GALNT13: variants seen among roughly 807,000 people sequenced by gnomAD.
GALNT13 encodes UDP-GalNAc:polypeptide N-acetylgalactosaminyltransferase 13.
GALNT13 carries 28 observed loss-of-function variants against 64.2 expected under a neutral mutation model. The ratio of observed to expected loss-of-function variants is 0.44; its 90% CI spans 0.32 to 0.60. GALNT13 has a LOEUF of 0.60. Among genes scored for constraint, GALNT13 ranks in the 20% least tolerant of loss-of-function variants. The pLI is 0.05. For synonymous variants in GALNT13, 214 were observed against 224.6 expected (o/e 0.95, Z 0.42); for missense variants, 577 against 669.8 (o/e 0.86, Z 1.53).
At chr2:153,659,113 G>T in the GALNT13 span, among the ~76,000 whole-genome samples, 1 of 152,028 alleles carries the variant, frequency 6.6e-6, no homozygotes, top group Non-Finnish European at 1.5e-5. Context: ...AAGATTTTAT[G>T]AACAATTTTG....
the GALNT13 span, among the ~76,000 whole-genome samples, chr2:153,396,273 A>AT: frequency 6.6e-6 from 1 of 152,082 alleles, no homozygotes; most frequent in Non-Finnish European, 1.5e-5. Context: ...AGAGACAAAA[A>AT]TTTTTGCCCA....
chr2:154,186,947 C>A (rs1346984142), intron 4 of GALNT13, among the ~76,000 whole-genome samples: 1 of 151,778 alleles, frequency 6.6e-6, no homozygotes, highest in Non-Finnish European at 1.5e-5. Flanking sequence ...GCCATTAAGT[C>A]TGAGTAGAAA....
chr2:153,579,849 C>T, the GALNT13 span, among the ~76,000 whole-genome samples: 1 of 152,036 alleles, frequency 6.6e-6, no homozygotes, highest in African/African-American at 2.4e-5. Flanking sequence ...TACCTGATGA[C>T]CCGAGGTGGA....
intron 11 of GALNT13, among the ~76,000 whole-genome samples, chr2:154,420,931 TG>T (rs903249550): frequency 3.3e-5 from 5 of 152,302 alleles, no homozygotes; most frequent in Middle Eastern, 3.4e-3. Flanking sequence ...TTCATCTTAC[TG>T]CATTTGCAAT....
chr2:153,368,122 C>A, the GALNT13 span, among the ~76,000 whole-genome samples: 1 of 152,084 alleles, frequency 6.6e-6, no homozygotes, highest in African/African-American at 2.4e-5. Flanking sequence ...TAATGGAGAT[C>A]TATGTGCCAT....
chr2:153,514,914 C>T, the GALNT13 span, among the ~76,000 whole-genome samples: 4 of 152,218 alleles, frequency 2.6e-5, no homozygotes, highest in African/African-American at 9.6e-5. Flanking sequence ...AGAATGTTCT[C>T]CCTCTGCCCA....
chr2:153,414,325 AG>A, the GALNT13 span, among the ~76,000 whole-genome samples: 1 of 151,992 alleles, frequency 6.6e-6, no homozygotes, highest in Admixed American at 6.6e-5. Context: ...CGGTGAGCCA[AG>A]ATCATGCCAT....
chr2:153,091,672 T>C, the GALNT13 span, among the ~76,000 whole-genome samples: 1 of 152,230 alleles, frequency 6.6e-6, no homozygotes, highest in African/African-American at 2.4e-5. Flanking sequence ...CAATCACCTC[T>C]GTATTATTAG....
the GALNT13 span, among the ~76,000 whole-genome samples, chr2:153,227,960 A>G: frequency 2.6e-5 from 4 of 152,228 alleles, no homozygotes; most frequent in African/African-American, 9.6e-5. Context: ...TAGAAATGAT[A>G]AGATATACAA....
At chr2:154,188,130 A>G (rs1330484330) in intron 4 of GALNT13, among the ~76,000 whole-genome samples, 3 of 152,006 alleles carry the variant, frequency 2.0e-5, no homozygotes, top group Non-Finnish European at 2.9e-5. Flanking sequence ...GACCTCCAAG[A>G]TTTCCATCTC....
the GALNT13 span, among the ~76,000 whole-genome samples, chr2:153,552,576 T>TTC: frequency 1.2e-5 from 1 of 82,094 alleles, no homozygotes; most frequent in African/African-American, 1.0e-4. Flanking sequence ...CTTCTTCTTC[T>TTC]TTTTTTTTTT....
chr2:153,079,215 A>T, the GALNT13 span, among the ~76,000 whole-genome samples: 1 of 152,162 alleles, frequency 6.6e-6, no homozygotes, highest in Non-Finnish European at 1.5e-5. Context: ...GGGGATAATA[A>T]TAGCCAGAGC....
the GALNT13 span, among the ~76,000 whole-genome samples, chr2:153,144,447 A>G: frequency 6.6e-6 from 1 of 151,930 alleles, no homozygotes; most frequent in Admixed American, 6.6e-5. Flanking sequence ...CTTGGGCTCT[A>G]AATAATGTGT....
At chr2:154,094,005 T>G (rs920206984) in intron 3 of GALNT13, among the ~76,000 whole-genome samples, 1 of 151,894 alleles carries the variant, frequency 6.6e-6, no homozygotes, top group Admixed American at 6.6e-5. Context: ...TTCCTATCTG[T>G]GGAGACTGTC....
the GALNT13 span, among the ~76,000 whole-genome samples, chr2:153,277,943 T>TTTTTTTTTTTTTTTTTTC: frequency 7.5e-6 from 1 of 133,458 alleles, no homozygotes; most frequent in South Asian, 2.4e-4. Flanking sequence ...TTTTTTTTTT[T>TTTTTTTTTTTTTTTTTTC]TGAGACAGAG....
At chr2:153,236,014 G>T in the GALNT13 span, among the ~76,000 whole-genome samples, 1 of 152,156 alleles carries the variant, frequency 6.6e-6, no homozygotes, top group African/African-American at 2.4e-5. Context: ...GACAGAAAGT[G>T]AAGTCATTTT....
At chr2:154,427,738 A>G (rs1432037062) in intron 11 of GALNT13, among the ~76,000 whole-genome samples, 1 of 152,190 alleles carries the variant, frequency 6.6e-6, no homozygotes, top group Non-Finnish European at 1.5e-5. Flanking sequence ...AAGAGTGTAC[A>G]GCTAGATGCT....
the GALNT13 span, among the ~76,000 whole-genome samples, chr2:153,828,729 C>A: frequency 1.3e-5 from 2 of 152,186 alleles, no homozygotes; most frequent in South Asian, 2.1e-4. Flanking sequence ...ATGCAAATTT[C>A]TGCAGCTGGG....
the GALNT13 span, among the ~76,000 whole-genome samples, chr2:153,283,875 G>A: frequency 3.9e-4 from 60 of 152,208 alleles, no homozygotes; most frequent in Non-Finnish European, 1.0e-4. Flanking sequence ...GGCAGGGTGG[G>A]TCAGCTCAGT....
Sources: gnomAD v4.1 joint callset for allele counts (sites outside exome capture counted in the v4.1 genomes callset) on GRCh38, gnomAD v4.1.1 for gene constraint, MANE v1.5 for transcripts, NCBI Gene and HGNC (gene_info 2026-07-23, HGNC 2026-07-21) for gene names.